TRIM5: variants seen among roughly 807,000 people sequenced by gnomAD.
TRIM5 encodes tripartite motif-containing protein 5.
Under a neutral mutation model 35.6 loss-of-function variants are expected in TRIM5, and 31 were observed. The observed-to-expected ratio is 0.87, with a 90% CI of 0.65 to 1.18. The LOEUF (loss-of-function observed/expected upper bound fraction) is 1.18, where lower values mean the gene tolerates loss of function less well. Among genes scored for constraint, TRIM5 ranks in the 50% most tolerant of loss-of-function variants. The pLI is 0.00. For missense variants in TRIM5, 609 were observed against 591.6 expected (o/e 1.03, Z -0.31); for synonymous variants, 243 against 215.6 (o/e 1.13, Z -1.11).
chr11:5,656,683 T>C, the TRIM5 span, among the ~76,000 whole-genome samples: 1 of 152,104 alleles, frequency 6.6e-6, no homozygotes, highest in Non-Finnish European at 1.5e-5. Flanking sequence ...AAGAAGACAT[T>C]TATGCGGCCA....
At chr11:5,611,069 G>C in the TRIM5 span, 3 of 1,614,068 alleles carry the variant, frequency 1.9e-6, no homozygotes, top group African/African-American at 4.0e-5. Context: ...ATCAGCCTCA[G>C]AGTGGATACT....
At chr11:5,668,399 G>A (rs1239202893) in intron 4 of TRIM5, among the ~76,000 whole-genome samples, 3 of 152,088 alleles carry the variant, frequency 2.0e-5, no homozygotes, top group East Asian at 1.9e-4. Flanking sequence ...ATGTTTACGC[G>A]GCCTTTGCTG....
At chr11:5,669,279 CA>C (rs1047046661) in intron 4 of TRIM5, among the ~76,000 whole-genome samples, 12 of 151,952 alleles carry the variant, frequency 7.9e-5, no homozygotes, top group Middle Eastern at 3.2e-3. Context: ...AGGGTTTCTC[CA>C]TGTTGGTCGG....
At chr11:5,622,138 T>C in the TRIM5 span, among the ~76,000 whole-genome samples, 1 of 152,156 alleles carries the variant, frequency 6.6e-6, no homozygotes, top group East Asian at 1.9e-4. Context: ...CTCAGAGAAA[T>C]GAGTTTTTTA....
chr11:5,665,449 T>C, intron 7 of TRIM5, 54 bp from the exon 8 acceptor site: 1 of 1,547,202 alleles, frequency 6.5e-7, no homozygotes, highest in Non-Finnish European at 8.7e-7. Context: ...TTATTTGTGA[T>C]ATGAGAGAAA....
the TRIM5 span, chr11:5,610,352 G>T: frequency 6.4e-7 from 1 of 1,568,450 alleles, no homozygotes; most frequent in Non-Finnish European, 8.7e-7. Context: ...CAAAGAGGGA[G>T]GTCCCAGAGG....
chr11:5,624,262 A>G, the TRIM5 span, among the ~76,000 whole-genome samples: 2 of 152,238 alleles, frequency 1.3e-5, no homozygotes, highest in Non-Finnish European at 2.9e-5. Flanking sequence ...TATATGTTAT[A>G]TGCAATAATA....
the TRIM5 span, chr11:5,610,846 G>C: frequency 1.9e-6 from 3 of 1,614,204 alleles, no homozygotes; most frequent in Non-Finnish European, 2.5e-6. Context: ...AGACAAGTGA[G>C]GTTTGTGGGA....
At chr11:5,677,924 A>G (rs746891802) in intron 4 of TRIM5, 2 of 269,478 alleles carry the variant, frequency 7.4e-6, no homozygotes, top group African/African-American at 2.2e-5. Flanking sequence ...GGTAAGTCTC[A>G]ACACTAGAAT....
At chr11:5,649,683 C>T in the TRIM5 span, among the ~76,000 whole-genome samples, 20 of 152,144 alleles carry the variant, frequency 1.3e-4, no homozygotes, top group African/African-American at 4.8e-4. Context: ...GAACTAAGAT[C>T]GCTAAGGCAG....
At chr11:5,640,441 GA>G in the TRIM5 span, among the ~76,000 whole-genome samples, 1 of 151,572 alleles carries the variant, frequency 6.6e-6, no homozygotes, top group Non-Finnish European at 1.5e-5. Flanking sequence ...TACATCAATT[GA>G]TTTTTTTTTA....
At chr11:5,608,407 A>T in the TRIM5 span, 1 of 1,613,572 alleles carries the variant, frequency 6.2e-7, no homozygotes, top group African/African-American at 1.3e-5. Flanking sequence ...ATGTGTAAGG[A>T]GAACATGAGG....
the TRIM5 span, among the ~76,000 whole-genome samples, chr11:5,648,615 G>A: frequency 6.6e-6 from 1 of 152,218 alleles, no homozygotes; most frequent in African/African-American, 2.4e-5. Context: ...GATAGGGCCA[G>A]TGTGAAAGAC....
chr11:5,596,843 C>CT, the TRIM5 span: 1 of 1,613,572 alleles, frequency 6.2e-7, no homozygotes, highest in Non-Finnish European at 8.5e-7. Context: ...CTCTGAAGAG[C>CT]TTTGACCACC....
the TRIM5 span, among the ~76,000 whole-genome samples, chr11:5,624,504 A>C: frequency 6.6e-6 from 1 of 152,182 alleles, no homozygotes; most frequent in Non-Finnish European, 1.5e-5. Flanking sequence ...CAAATTGGTA[A>C]ACTGATTCGA....
At chr11:5,636,886 C>G in the TRIM5 span, among the ~76,000 whole-genome samples, 1 of 152,172 alleles carries the variant, frequency 6.6e-6, no homozygotes, top group East Asian at 1.9e-4. Flanking sequence ...GTGGCTCACG[C>G]CTGTAATCCC....
the TRIM5 span, among the ~76,000 whole-genome samples, chr11:5,615,144 G>T: frequency 1.3e-5 from 2 of 152,070 alleles, no homozygotes; most frequent in African/African-American, 4.8e-5. Context: ...GACTTTATAT[G>T]ACTTGAATCC....
the TRIM5 span, among the ~76,000 whole-genome samples, chr11:5,593,734 T>C: frequency 6.6e-6 from 1 of 152,348 alleles, no homozygotes; most frequent in African/African-American, 2.4e-5. Context: ...AATAACAGGC[T>C]GGCTCTGTTG....
intron 2 of TRIM5, among the ~76,000 whole-genome samples, chr11:5,679,481 G>T (rs768765871): frequency 6.6e-6 from 1 of 151,990 alleles, no homozygotes; most frequent in Non-Finnish European, 1.5e-5. Context: ...TGCTGAAAGG[G>T]GTAATCAGAG....
Sources: gnomAD v4.1 joint callset for allele counts (sites outside exome capture counted in the v4.1 genomes callset) on GRCh38, gnomAD v4.1.1 for gene constraint, MANE v1.5 for transcripts, NCBI Gene and HGNC (gene_info 2026-07-23, HGNC 2026-07-21) for gene names.